ASPH: variants seen among roughly 807,000 people sequenced by gnomAD.
ASPH encodes aspartyl/asparaginyl beta-hydroxylase.
Under a neutral mutation model 118.4 loss-of-function variants are expected in ASPH, and 100 were observed. That is an observed-to-expected ratio of 0.84 (90% CI 0.72 to 1.00). ASPH has a LOEUF of 1.00. Among genes scored for constraint, ASPH ranks in the 50% least tolerant of loss-of-function variants. ASPH has a pLI of 0.00. For synonymous variants in ASPH, 315 were observed against 325.6 expected (o/e 0.97, Z 0.35); for missense variants, 920 against 919.5 (o/e 1.00, Z -0.01).
intron 18 of ASPH, among the ~76,000 whole-genome samples, chr8:61,561,155 T>A (rs1213265997): frequency 7.1e-6 from 1 of 140,388 alleles, no homozygotes; most frequent in Non-Finnish European, 1.5e-5. Context: ...AGTTAGGAAT[T>A]CTACAAGTTC....
intron 24 of ASPH, among the ~76,000 whole-genome samples, chr8:61,510,087 A>C (rs1808231193): frequency 6.6e-6 from 1 of 152,224 alleles, no homozygotes; most frequent in Non-Finnish European, 1.5e-5. Context: ...CAGCAATCAG[A>C]CAGGAGGATA....
intron 16 of ASPH, 149 bp from the exon 17 acceptor site, chr8:61,567,467 A>G (rs941648212): frequency 1.2e-6 from 1 of 849,992 alleles, no homozygotes; most frequent in Non-Finnish European, 1.7e-6. Context: ...GATAAAAAAA[A>G]CTAACAAAAG....
Position 61,500,662 on chromosome 8 carries a change from A to G in ASPH, c.*2697T>C, listed in dbSNP as rs1275708635. On this transcript the variant is annotated 3_prime_UTR_variant, in exon 25 of 25. Coordinates refer to ENST00000379454, the MANE Select transcript of ASPH (RefSeq NM_004318.4). ...AAAATAAACAGACATCATATATGAT[A>G]TCCTTACTTGTGCCATGTTTTCCAA... 6.6e-6 allele frequency: 1 copy of G among 152,190 alleles called. No homozygotes were observed. The highest frequency in any genetic ancestry group is 2.4e-5 in the African/African-American group (1 of 41,438). The allele number at this position is 152,190 out of a possible 1,614,324, so 9.4% of individuals were successfully genotyped here.
chr8:61,697,491 G>A (rs117298642), intron 1 of ASPH, among the ~76,000 whole-genome samples: 1 of 152,232 alleles, frequency 6.6e-6, no homozygotes, highest in Non-Finnish European at 1.5e-5. Context: ...ACAGGTTGAG[G>A]GCTCAGTCTC....
chr8:61,561,894 T>C (rs1363035532), intron 18 of ASPH, among the ~76,000 whole-genome samples: 1 of 152,248 alleles, frequency 6.6e-6, no homozygotes, highest in East Asian at 1.9e-4. Flanking sequence ...GTCATTACAC[T>C]CCAGTCTGGG....
At chr8:61,513,885 T>G (rs751954818) in intron 24 of ASPH, among the ~76,000 whole-genome samples, 2 of 152,100 alleles carry the variant, frequency 1.3e-5, no homozygotes, top group Non-Finnish European at 2.9e-5. Flanking sequence ...GGTTGGTGGT[T>G]GTTTTCTTTA....
intron 10 of ASPH, 41 bp downstream of exon 10, chr8:61,642,845 CAA>C (rs749849292): frequency 8.5e-5 from 74 of 871,802 alleles, no homozygotes; most frequent in East Asian, 3.0e-4. Flanking sequence ...AACTCCATCT[CAA>C]AAAAAAAAAG....
intron 1 of ASPH, among the ~76,000 whole-genome samples, chr8:61,688,306 C>T (rs184334080): frequency 1.2e-4 from 19 of 152,220 alleles, no homozygotes; most frequent in African/African-American, 3.9e-4. Context: ...ACTGCAAGAA[C>T]GATGCGATTC....
chr8:61,592,833 A>G (rs1841534463), intron 14 of ASPH, among the ~76,000 whole-genome samples: 1 of 152,236 alleles, frequency 6.6e-6, no homozygotes, highest in African/African-American at 2.4e-5. Context: ...TCACTGATAG[A>G]TTTCAATAAA....
At chr8:61,509,815 C>A (rs1175200545) in intron 24 of ASPH, among the ~76,000 whole-genome samples, 2 of 152,106 alleles carry the variant, frequency 1.3e-5, no homozygotes, top group African/African-American at 4.8e-5. Context: ...GGGAGGGTCT[C>A]TGCTGCATTC....
intron 14 of ASPH, among the ~76,000 whole-genome samples, chr8:61,616,167 G>C (rs1274515198): frequency 6.6e-6 from 1 of 152,172 alleles, no homozygotes; most frequent in Non-Finnish European, 1.5e-5. Context: ...AGAAGCCGTT[G>C]CAATGATTTT....
chr8:61,572,412 C>T (rs1833722835), intron 16 of ASPH, among the ~76,000 whole-genome samples: 1 of 152,210 alleles, frequency 6.6e-6, no homozygotes, highest in South Asian at 2.1e-4. Context: ...GTCTACTTGA[C>T]ATGTCCACCT....
chr8:61,651,005 C>A (rs747385133), intron 5 of ASPH, 45 bp downstream of exon 5: 1 of 1,521,706 alleles, frequency 6.6e-7, no homozygotes, highest in East Asian at 2.3e-5. Context: ...CATAACTAAG[C>A]GTTATTTTAG....
chr8:61,714,179 C>T, intron 1 of ASPH, 90 bp downstream of exon 1: 2 of 1,341,088 alleles, frequency 1.5e-6, no homozygotes, highest in Non-Finnish European at 1.9e-6. Flanking sequence ...GCGGTGGGAC[C>T]TGGGGAGATG....
intron 3 of ASPH, chr8:61,661,102 G>A (rs1422570152): frequency 1.3e-5 from 2 of 152,066 alleles, no homozygotes; most frequent in Admixed American, 1.3e-4. Flanking sequence ...CTTCACTCAT[G>A]TGCAACATTT....
chr8:61,527,748 C>A (rs1264418109), intron 21 of ASPH, among the ~76,000 whole-genome samples: 1 of 151,958 alleles, frequency 6.6e-6, no homozygotes, highest in African/African-American at 2.4e-5. Flanking sequence ...GTGTTGGGAG[C>A]AAGGAAGAAT....
chr8:61,628,644 A>C (rs1398380018), intron 13 of ASPH, among the ~76,000 whole-genome samples: 1 of 152,112 alleles, frequency 6.6e-6, no homozygotes, highest in African/African-American at 2.4e-5. Flanking sequence ...ACCTGAAAAC[A>C]GCTAAAACTA....
intron 16 of ASPH, among the ~76,000 whole-genome samples, chr8:61,568,941 C>T (rs1274150419): frequency 6.6e-6 from 1 of 152,018 alleles, no homozygotes; most frequent in Non-Finnish European, 1.5e-5. Context: ...AAGGATGGGA[C>T]ATAGTACAGC....
chr8:61,668,397 C>T, intron 3 of ASPH: 3 of 738,320 alleles, frequency 4.1e-6, no homozygotes, highest in Non-Finnish European at 4.3e-6. Flanking sequence ...TAGTTAAATT[C>T]ATCATTAAAA....
Sources: allele counts gnomAD v4.1 joint callset (sites outside exome capture counted in the v4.1 genomes callset), GRCh38; gene constraint gnomAD v4.1.1; transcripts MANE v1.5; gene names NCBI Gene and HGNC (gene_info 2026-07-23, HGNC 2026-07-21).